Variants in FLII observed in about 807,000 individuals in gnomAD.
The protein encoded by FLII is protein flightless-1 homolog.
A neutral mutation model predicts 156.2 loss-of-function variants in FLII; 101 were observed. The observed-to-expected ratio is 0.65, with a 90% CI of 0.55 to 0.76. The LOEUF is 0.76. Ranked by LOEUF, FLII falls within the 30% of genes least tolerant of loss-of-function variation. The probability of loss-of-function intolerance (pLI) is 0.00; values close to 1 mark genes in which losing one functional copy is unlikely to be tolerated. For missense variants in FLII, 1,675 were observed against 1,682.8 expected, an observed-to-expected ratio of 1.00 and a Z score of 0.08; for synonymous variants, 767 against 685.8, an observed-to-expected ratio of 1.12 and a Z score of -1.85.
chr17:18,249,138 A>G lies in FLII; in HGVS notation c.1923T>C (p.Ser641=). ...KLEPVPLKGT[S]LDPRFVFLLD... ...TTGTTGGGGCTCACCTTGGGTCCAG[A>G]GAGGTCCCCTTGAGGGGCACAGGCT... Residue 641 remains serine (S), a synonymous_variant, in exon 16 of 30, where the codon TCT becomes TCC. Coordinates refer to ENST00000327031, the MANE Select transcript of FLII (RefSeq NM_002018.4). 1 of 1,613,962 alleles carries G rather than the reference A, an allele frequency of 6.2e-7. No individual in the cohort carries two copies. The highest frequency in any genetic ancestry group is 8.5e-7 in the Non-Finnish European group (1 of 1,179,880).
At chr17:18,247,120 C>CCGGGGGGGGGGGGGGGG in intron 21 of FLII, 49 bp downstream of exon 21, 2 of 1,284,392 alleles carry the variant, frequency 1.6e-6, no homozygotes, top group Non-Finnish European at 1.1e-6. Context: ...CCGCCCTCGG[C>CCGGGGGGGGGGGGGGGG]CTGCCCCCCA....
chr17:18,249,306 C>T lies in FLII; in HGVS notation c.1859+20G>A. ...CAGCAGACTCCAGGTCCATACCCCCCACTGCCCACACACCCTCACCTGGTG... is the reference window on the plus strand; with the variant it reads ...CAGCAGACTCCAGGTCCATACCCCCTACTGCCCACACACCCTCACCTGGTG... On this transcript the variant is annotated intron_variant, in intron 15 of 29. Transcript: ENST00000327031. 6.2e-7 allele frequency: 1 copy of T among 1,613,202 alleles called. No individual in the cohort carries two copies. Among genetic ancestry groups the T allele is most frequent in the Non-Finnish European group, 8.5e-7 (1 of 1,179,112 alleles).
chr17:18,256,632 TGGGTG>T, intron 2 of FLII, 35 bp from the exon 3 acceptor site: 10 of 1,531,980 alleles, frequency 6.5e-6, no homozygotes, highest in Non-Finnish European at 8.9e-6. Context: ...CTCAGCAGGG[TGGGTG>T]GGGTGTCCAG....
chr17:18,246,417 G>A lies in FLII; in HGVS notation c.3097C>T (p.His1033Tyr). The stretch of plus-strand genomic sequence containing the variant: ...TGGATGATGAACTTCCTCTTGAAAT[G>A]GGACAGGAACTTGGGGTTCTCCTGC... ...QQQENPKFLS[H>Y]FKRKFIIHRG... Residue 1033 changes from histidine (H) to tyrosine (Y), a missense_variant, in exon 24 of 30, where the codon CAT (histidine) becomes TAT (tyrosine). Around this residue, in one of 2 missense-constraint regions of FLII, gnomAD observed 1,332 missense variants for 1,269.3 expected, o/e 1.05. Transcript: ENST00000327031. 6.2e-7 allele frequency: 1 copy of A among 1,614,018 alleles called. No homozygotes were observed. The highest frequency in any genetic ancestry group is 1.1e-5 in the South Asian group (1 of 91,090).
rs1007331424 is a variant in FLII at position 18,254,460 on chromosome 17, G to A, written c.575+61C>T. On this transcript the variant is annotated intron_variant, in intron 6 of 29. Transcript: ENST00000327031. The stretch of plus-strand genomic sequence containing the variant: ...AAGGGTTAGGGCCCTGGGAAGTGAA[G>A]GGGCCCGGCCAGACTCCTCAGGGTG... 6.7e-6 allele frequency: 10 copies of A among 1,502,148 alleles called. No homozygotes were observed. In the African/African-American group the frequency reaches 1.1e-4, roughly 17 times the overall value. 93.1% of individuals were successfully genotyped at this position (1,502,148 alleles called of 1,614,324 possible).
intron 10 of FLII, 72 bp from the exon 11 acceptor site, chr17:18,252,218 T>C: frequency 7.1e-7 from 1 of 1,406,580 alleles, no homozygotes; most frequent in Non-Finnish European, 1.0e-6. Flanking sequence ...TCCAGTTTCT[T>C]GCTCTTGTCT....
chr17:18,251,714 G>A lies in FLII; in HGVS notation c.1349C>T (p.Ser450Leu), dbSNP rs2048274260. The A allele has an allele frequency of 6.2e-7, 1 of 1,613,904 alleles. No homozygotes were observed. ...DQAKQVLKGMSDVAQEKNKKQ... is the reference protein window; with the variant it reads ...DQAKQVLKGMLDVAQEKNKKQ... ...TTTGTTCTTCTCCTGGGCAACATCT[G>A]ACATGCCCTTCAGCACCTGCTTGGC... The change falls in exon 12 of 30, where the codon TCA becomes TTA. Residue 450 changes from serine to leucine, a missense_variant. By Grantham distance (145) the Ser-to-Leu change is moderately radical. Coordinates refer to ENST00000327031, the MANE Select transcript of FLII (RefSeq NM_002018.4).
rs547626440 is a variant in FLII, at chr17:18,253,941, C to T, written c.679+138G>A. On this transcript the variant is annotated intron_variant, in intron 7 of 29. Transcript: ENST00000327031. The stretch of plus-strand genomic sequence containing the variant: ...CAGTGTTAAGGCATCATCATAATCG[C>T]AAAAGTCACTGTAACATAACTCCAG... The T allele has an allele frequency of 1.2e-5, 9 of 778,642 alleles. No individual in the cohort carries two copies. In the Admixed American group the frequency reaches 2.3e-4, roughly 20 times the overall value. 48.2% of individuals were successfully genotyped at this position (778,642 alleles called of 1,614,324 possible).
At chr17:18,245,898 CTCTG>C in intron 26 of FLII, 32 bp downstream of exon 26, 1 of 1,613,916 alleles carries the variant, frequency 6.2e-7, no homozygotes, top group Non-Finnish European at 8.5e-7. Context: ...GCCCTGGCTC[CTCTG>C]TGTGTGCCCG....
intron 14 of FLII, among the ~76,000 whole-genome samples, chr17:18,249,886 A>T (rs559088530): frequency 6.6e-6 from 1 of 152,142 alleles, no homozygotes; most frequent in Non-Finnish European, 1.5e-5. Flanking sequence ...TGGGAGGCCA[A>T]GGCGGGTGGA....
At chr17:18,248,276 C>A (rs1305110526) in intron 18 of FLII, among the ~76,000 whole-genome samples, 1 of 152,204 alleles carries the variant, frequency 6.6e-6, no homozygotes, top group Non-Finnish European at 1.5e-5. Context: ...TTCCTGTTCA[C>A]AAGAATCTAG....
Position 18,245,247 on chromosome 17 carries a change from T to C in FLII, c.3701A>G (p.Lys1234Arg), listed in dbSNP as rs369821133. ...CAGCCGGCGCGGCCGCTCATGTTCC[T>C]TGGACCGCATGTGCTGGATATATAC... is the stretch of plus-strand genomic sequence containing the variant. ...CQVYIQHMRS[K>R]EHERPRRLRL... The change falls in exon 30 of 30, where the codon AAG becomes AGG. Residue 1234 changes from lysine (K) to arginine (R), a missense_variant. Lys to Arg is a conservative substitution (Grantham distance 26). Coordinates refer to ENST00000327031, the MANE Select transcript of FLII (RefSeq NM_002018.4). The C allele has an allele frequency of 3.8e-5, 61 of 1,613,542 alleles. No individual in the cohort carries two copies. Among genetic ancestry groups the C allele is most frequent in the Middle Eastern group, 1.6e-4 (1 of 6,082 alleles).
chr17:18,256,617 ACAGGCT>A lies in FLII; in HGVS notation c.175-26_175-21del. On this transcript the variant is annotated intron_variant, in intron 2 of 29. Coordinates refer to ENST00000327031, the MANE Select transcript of FLII (RefSeq NM_002018.4). Reference sequence around the variant, plus strand: ...GTGTTCCTGGGCCGGAATGGGGAGCACAGGCTCAGCAGGGTGGGTGGGGTGTCCAGA... The same window carrying A: ...GTGTTCCTGGGCCGGAATGGGGAGCACAGCAGGGTGGGTGGGGTGTCCAGA... 1 of 1,550,036 alleles carries A rather than the reference ACAGGCT, an allele frequency of 6.5e-7. No individual in the cohort carries two copies. Among genetic ancestry groups the A allele is most frequent in the Non-Finnish European group, 8.7e-7 (1 of 1,145,730 alleles).
Position 18,245,378 on chromosome 17 carries a change from G to A in FLII, c.3651C>T (p.Ile1217=). The change falls in exon 29 of 30, where the codon ATC becomes ATT. Residue 1217 remains isoleucine, a synonymous_variant. Transcript: ENST00000327031. ...WVGTQTSQVE[I]KLSLKACQVY... ...CCTGGCAGGCCTTCAGGCTCAGCTT[G>A]ATCTCCACCTGGCTAGTCTGGGTCC... 2 of 1,614,194 alleles carry A rather than the reference G, an allele frequency of 1.2e-6. No individual in the cohort carries two copies. Among genetic ancestry groups the A allele is most frequent in the Non-Finnish European group, 8.5e-7 (1 of 1,180,038 alleles).
At chr17:18,248,968 C>G in intron 16 of FLII, 85 bp from the exon 17 acceptor site, 1 of 1,446,314 alleles carries the variant, frequency 6.9e-7, no homozygotes, top group Non-Finnish European at 9.7e-7. Flanking sequence ...AAAAAAATCC[C>G]TCACTATGGG....
chr17:18,248,032 A>C lies in FLII; in HGVS notation c.2192T>G (p.Val731Gly), dbSNP rs1315702970. 1 of 1,608,950 alleles carries C rather than the reference A, an allele frequency of 6.2e-7. No individual in the cohort carries two copies. Among genetic ancestry groups the C allele is most frequent in the Non-Finnish European group, 8.5e-7 (1 of 1,176,168 alleles). The change falls in exon 19 of 30, where the codon GTG (valine) becomes GGG (glycine). Residue 731 changes from valine to glycine, a missense_variant and splice_region_variant. Transcript: ENST00000327031. ...CTCCAGGTAGCCCAAGCCCAGGCCC[A>C]CCTGGCAGGAAGGATGAGCATGGCA... ...FWPPQPKLYK[V>G]GLGLGYLELP...
At chr17:18,248,429 G>A (rs751056408) in intron 18 of FLII, 121 bp downstream of exon 18, 3 of 887,002 alleles carry the variant, frequency 3.4e-6, no homozygotes, top group Non-Finnish European at 5.1e-6. Context: ...CCAGAAGGTG[G>A]CACCCTCTCC....
intron 2 of FLII, 107 bp downstream of exon 2, chr17:18,256,802 T>C (rs2048432284): frequency 1.2e-6 from 1 of 830,688 alleles, no homozygotes; most frequent in Non-Finnish European, 2.0e-6. Flanking sequence ...GCTCTGCTCA[T>C]AGCTGTCGGT....
In FLII at chr17:18,253,329, GGTT is replaced by G. The variant is rs773160096; in HGVS notation, c.982_984del (p.Asn328del). ...CAGAGACTTTCAGGGACCAGCTCCA[GGTT>G]GTTGTTGGCAGCCATGAACTCTTCC... is the stretch of plus-strand genomic sequence containing the variant. On this transcript the variant is annotated inframe_deletion, in exon 9 of 30. Transcript: ENST00000327031. 1 of 1,613,952 alleles carries G rather than the reference GGTT, an allele frequency of 6.2e-7. No individual in the cohort carries two copies. The highest frequency in any genetic ancestry group is 8.5e-7 in the Non-Finnish European group (1 of 1,180,034).
Sources: allele counts gnomAD v4.1 joint callset (sites outside exome capture counted in the v4.1 genomes callset), GRCh38; gene constraint gnomAD v4.1.1; regional missense constraint gnomAD v4.1.1; transcripts MANE v1.5; gene names NCBI Gene and HGNC (gene_info 2026-07-23, HGNC 2026-07-21).